SCGB2B2: variants seen among roughly 807,000 people sequenced by gnomAD.
SCGB2B2 encodes secretoglobin family 2B member 2.
In SCGB2B2, 11 loss-of-function variants were observed where a neutral mutation model predicts 7.6. That is an observed-to-expected ratio of 1.45 (90% CI 0.91 to 2.40). The LOEUF (loss-of-function observed/expected upper bound fraction) is 2.40. Ranked by LOEUF, SCGB2B2 falls within the 30% of genes most tolerant of loss-of-function variation. The pLI is 0.00. For missense variants in SCGB2B2, 104 were observed against 115.4 expected (o/e 0.90, Z 0.45); for synonymous variants, 50 against 48.6 (o/e 1.03, Z -0.12).
intron 1 of SCGB2B2, among the ~76,000 whole-genome samples, chr19:34,663,177 G>A (rs2067512840): frequency 1.3e-5 from 2 of 152,348 alleles, no homozygotes; most frequent in Middle Eastern, 3.4e-3. Context: ...CTACAGTGTG[G>A]CTGGGGGTGT....
chr19:34,656,177 C>T (rs570531176), intron 1 of SCGB2B2, among the ~76,000 whole-genome samples: 31 of 151,184 alleles, frequency 2.1e-4, no homozygotes, highest in Non-Finnish European at 4.0e-4. Flanking sequence ...ACACCAGCAA[C>T]GCACGGTAGG....
At chr19:34,659,568 A>T (rs1457575740) in intron 1 of SCGB2B2, among the ~76,000 whole-genome samples, 1 of 152,214 alleles carries the variant, frequency 6.6e-6, no homozygotes, top group Admixed American at 6.5e-5. Flanking sequence ...ATACCTAGGA[A>T]TCCAACTTAC....
At chr19:34,586,210 T>G (rs1344583128), downstream of SCGB2B2, among the ~76,000 whole-genome samples, 1 of 152,196 alleles carries the variant, frequency 6.6e-6, no homozygotes, top group Non-Finnish European at 1.5e-5. Context: ...TTGATTCTAA[T>G]TGTACTTTAA....
chr19:34,597,842 G>A (rs2065504601), intron 1 of SCGB2B2, among the ~76,000 whole-genome samples: 1 of 152,244 alleles, frequency 6.6e-6, no homozygotes, highest in African/African-American at 2.4e-5. Flanking sequence ...GGCACATGAT[G>A]GGGCCGGTGT....
At chr19:34,610,677 G>GAATT (rs941220491) in intron 1 of SCGB2B2, among the ~76,000 whole-genome samples, 10 of 151,602 alleles carry the variant, frequency 6.6e-5, no homozygotes, top group African/African-American at 2.2e-4. Flanking sequence ...TGATCATGGT[G>GAATT]AATTAGCATT....
At chr19:34,654,705 CAA>C (rs1440992461) in intron 1 of SCGB2B2, among the ~76,000 whole-genome samples, 1 of 150,654 alleles carries the variant, frequency 6.6e-6, no homozygotes, top group Non-Finnish European at 1.5e-5. Context: ...GAACTGCATG[CAA>C]AAAGACAGCT....
chr19:34,673,527 C>G (rs2146213769), intron 1 of SCGB2B2, among the ~76,000 whole-genome samples: 1 of 152,196 alleles, frequency 6.6e-6, no homozygotes, highest in African/African-American at 2.4e-5. Context: ...GCAGGAGGCC[C>G]TCAGAAAACA....
chr19:34,621,635 T>C (rs867114243), intron 1 of SCGB2B2, among the ~76,000 whole-genome samples: 5 of 152,198 alleles, frequency 3.3e-5, no homozygotes, highest in Admixed American at 1.3e-4. Context: ...ATAACTTGGA[T>C]ATCCTCTTTT....
chr19:34,593,918 G>C (rs1000293843), intron 3 of SCGB2B2, among the ~76,000 whole-genome samples: 1 of 152,100 alleles, frequency 6.6e-6, no homozygotes, highest in African/African-American at 2.4e-5. Context: ...GTGGTTCCCT[G>C]CATGCCTAGG....
downstream of SCGB2B2, among the ~76,000 whole-genome samples, chr19:34,589,689 C>T (rs1003658490): frequency 3.3e-5 from 5 of 151,892 alleles, no homozygotes; most frequent in African/African-American, 1.2e-4. Context: ...TGTGCTGCAG[C>T]CTAGGGGGTG....
chr19:34,608,684 T>TATATATATATATATATATATATATAC lies in SCGB2B2; in HGVS notation c.-2031-12091_-2031-12090insGTATATATATATATATATATATATAT, dbSNP rs879668084. On this transcript the variant is annotated intron_variant, in intron 1 of 3. Transcript: ENST00000601241. Reference sequence around the variant, plus strand: ...GCATATATATATATATATATATATATACCGTATTTTCTTCATCTTTTCACT... The same window carrying TATATATATATATATATATATATATAC: ...GCATATATATATATATATATATATATATATATATATATATATATATATATACACCGTATTTTCTTCATCTTTTCACT... The TATATATATATATATATATATATATAC allele has an allele frequency of 1.8e-3, 229 of 126,296 alleles. 3 individuals are homozygous for TATATATATATATATATATATATATAC. The highest frequency in any genetic ancestry group is 8.5e-3 in the Middle Eastern group (2 of 236). 7.8% of individuals were successfully genotyped at this position (126,296 alleles called of 1,614,324 possible). A position where few individuals can be genotyped will look rare whatever the true frequency, so the allele number is the denominator to read the frequency against.
intron 1 of SCGB2B2, among the ~76,000 whole-genome samples, chr19:34,674,084 A>G (rs956149179): frequency 1.3e-5 from 2 of 152,092 alleles, no homozygotes; most frequent in African/African-American, 4.8e-5. Context: ...CCCTCTCTCC[A>G]CTCATGAACT....
chr19:34,606,197 G>T (rs1355417115), intron 1 of SCGB2B2, among the ~76,000 whole-genome samples: 1 of 151,832 alleles, frequency 6.6e-6, no homozygotes, highest in Non-Finnish European at 1.5e-5. Context: ...TGACAAATAG[G>T]AATTGTGTAT....
intron 1 of SCGB2B2, chr19:34,640,649 G>A (rs2066815528): frequency 6.6e-6 from 1 of 152,190 alleles, no homozygotes; most frequent in South Asian, 2.1e-4. Flanking sequence ...TATGTTAAGT[G>A]TATAGTTCAG....
At chr19:34,612,797 CT>C (rs1284227619) in intron 1 of SCGB2B2, among the ~76,000 whole-genome samples, 1 of 152,150 alleles carries the variant, frequency 6.6e-6, no homozygotes, top group Non-Finnish European at 1.5e-5. Context: ...TATCTCTCTC[CT>C]TAAATCTAAT....
intron 1 of SCGB2B2, among the ~76,000 whole-genome samples, chr19:34,644,723 C>A (rs2066947642): frequency 6.6e-6 from 1 of 152,192 alleles, no homozygotes; most frequent in African/African-American, 2.4e-5. Context: ...AAAAGTTCAT[C>A]TTTTTCGCCA....
In SCGB2B2 at chr19:34,652,473, G is replaced by T. The variant is rs147331109; in HGVS notation, c.-2032+23157C>A. Among the ~76,000 whole-genome samples, 197 of 151,416 alleles carry T rather than the reference G, an allele frequency of 1.3e-3. 7 individuals carry two copies. Among genetic ancestry groups the T allele is most frequent in the African/African-American group, 4.6e-3 (188 of 40,736 alleles). On this transcript the variant is annotated intron_variant, in intron 1 of 3. Coordinates refer to ENST00000601241, the MANE Select transcript of SCGB2B2 (RefSeq NM_001025591.4). ...GAAGAAAAACTACAAGTAATCTGATGTAAAAATGGATAAATTAGCTGAATA... is the reference window on the plus strand; with the variant it reads ...GAAGAAAAACTACAAGTAATCTGATTTAAAAATGGATAAATTAGCTGAATA...
At chr19:34,648,250 T>C (rs2067073893) in intron 1 of SCGB2B2, among the ~76,000 whole-genome samples, 1 of 152,236 alleles carries the variant, frequency 6.6e-6, no homozygotes, top group African/African-American at 2.4e-5. Context: ...GCTTTCAACA[T>C]GTAGGTGGAA....
At chr19:34,669,212 A>C (rs1454788398) in intron 1 of SCGB2B2, among the ~76,000 whole-genome samples, 1 of 152,144 alleles carries the variant, frequency 6.6e-6, no homozygotes, top group Non-Finnish European at 1.5e-5. Context: ...GAGACCAAGA[A>C]CCCACCAATT....
Sources: allele counts gnomAD v4.1 joint callset (sites outside exome capture counted in the v4.1 genomes callset), GRCh38; gene constraint gnomAD v4.1.1; transcripts MANE v1.5; gene names NCBI Gene and HGNC (gene_info 2026-07-23, HGNC 2026-07-21).